COBL: variants seen among roughly 807,000 people sequenced by gnomAD.
COBL encodes protein cordon-bleu.
Under a neutral mutation model 98.8 loss-of-function variants are expected in COBL, and 51 were observed. That is an observed-to-expected ratio of 0.52 (90% CI 0.41 to 0.65). COBL has a LOEUF of 0.65. Ranked by LOEUF, COBL falls within the 30% of genes least tolerant of loss-of-function variation. COBL has a pLI of 0.00. For synonymous variants in COBL, 634 were observed against 651.7 expected (o/e 0.97, Z 0.41); for missense variants, 1,617 against 1,617.5 (o/e 1.00, Z 0.01).
chr7:51,086,787 A>G (rs575754769), intron 6 of COBL, among the ~76,000 whole-genome samples: 1 of 152,336 alleles, frequency 6.6e-6, no homozygotes, highest in South Asian at 2.1e-4. Flanking sequence ...ATGTTTTTCT[A>G]GACTATTTTT....
chr7:51,135,523 AC>A (rs887134721), intron 6 of COBL, among the ~76,000 whole-genome samples: 1 of 152,032 alleles, frequency 6.6e-6, no homozygotes, highest in Non-Finnish European at 1.5e-5. Flanking sequence ...ACATGTCAGG[AC>A]CCCGCCATTT....
In COBL at chr7:51,152,442, C is replaced by G. The variant is rs374843498; in HGVS notation, c.784-16111G>C. ...AAGCCTCATGAAACCCCCAAGCTGC[C>G]GACTCCCACATTTACATTTACAGGG... On this transcript the variant is annotated intron_variant, in intron 5 of 12. Coordinates refer to ENST00000265136, the MANE Select transcript of COBL (RefSeq NM_015198.5). 2.9e-4 allele frequency among the ~76,000 whole-genome samples: 44 copies of G among 152,156 alleles called. No individual in the cohort carries two copies. In the East Asian group the frequency reaches 6.8e-3, roughly 23 times the overall value.
intron 12 of COBL, among the ~76,000 whole-genome samples, chr7:51,018,901 AAAAAATATATATAT>A (rs1786583172): frequency 1.7e-5 from 1 of 58,128 alleles, no homozygotes; most frequent in African/African-American, 7.9e-5. Context: ...CAAAAAAAAA[AAAAAATATATATAT>A]ATATATATAT....
chr7:51,136,617 T>C (rs1799264184), intron 5 of COBL, among the ~76,000 whole-genome samples: 1 of 152,206 alleles, frequency 6.6e-6, no homozygotes. Flanking sequence ...TAGAATCATT[T>C]AAACTTCTTG....
chr7:51,184,198 T>C lies in COBL; in HGVS notation c.687A>G (p.Glu229=). 2.0e-6 allele frequency: 3 copies of C among 1,526,006 alleles called. No individual in the cohort carries two copies. The highest frequency in any genetic ancestry group is 2.6e-6 in the Non-Finnish European group (3 of 1,134,386). 94.5% of individuals were successfully genotyped at this position (1,526,006 alleles called of 1,614,324 possible). A position where few individuals can be genotyped will look rare whatever the true frequency, so the allele number is the denominator to read the frequency against. Residue 229 remains glutamate, a splice_region_variant and synonymous_variant, in exon 5 of 13, where the codon GAA becomes GAG. Transcript: ENST00000265136. The part of the protein sequence containing the change: ...KELYAWDNRR[E]TFRKSSLGND... ...TGCCAAGTGATGATTTCCTAAAGGTTTCTGGAAAAAAAAAGCACTAAGTTA... is the reference window on the plus strand; with the variant it reads ...TGCCAAGTGATGATTTCCTAAAGGTCTCTGGAAAAAAAAAGCACTAAGTTA...
chr7:51,073,395 GA>G, intron 7 of COBL: 2 of 676,018 alleles, frequency 3.0e-6, no homozygotes, highest in South Asian at 1.6e-5. Context: ...ACTGCGGGGG[GA>G]AAATAAATGG....
intron 2 of COBL, among the ~76,000 whole-genome samples, chr7:51,194,265 T>C (rs928386686): frequency 1.3e-5 from 2 of 152,194 alleles, no homozygotes; most frequent in East Asian, 1.9e-4. Flanking sequence ...GCTCCATCCA[T>C]GTTTTTACAA....
chr7:51,291,914 A>G (rs896761291), intron 1 of COBL, among the ~76,000 whole-genome samples: 5 of 152,218 alleles, frequency 3.3e-5, no homozygotes, highest in African/African-American at 1.2e-4. Flanking sequence ...TAATCCCAGC[A>G]TTGCTGGGAG....
intron 1 of COBL, among the ~76,000 whole-genome samples, chr7:51,315,259 CA>C (rs71021769): frequency 1.5e-3 from 210 of 137,440 alleles, no homozygotes; most frequent in Middle Eastern, 7.5e-3. Flanking sequence ...AAGTGCACTG[CA>C]AAAAAAAAAA....
At chr7:51,056,110 A>G (rs973183221) in intron 7 of COBL, among the ~76,000 whole-genome samples, 2 of 152,184 alleles carry the variant, frequency 1.3e-5, no homozygotes, top group African/African-American at 4.8e-5. Context: ...CTATAATAGA[A>G]TAGTTTCAGA....
At chr7:51,084,536 G>A (rs1163473387) in intron 7 of COBL, among the ~76,000 whole-genome samples, 1 of 152,102 alleles carries the variant, frequency 6.6e-6, no homozygotes. Flanking sequence ...CCTGGACAGC[G>A]CCATCATTCA....
intron 7 of COBL, chr7:51,065,120 T>G: frequency 1.4e-6 from 1 of 694,324 alleles, no homozygotes; most frequent in Non-Finnish European, 2.6e-6. Context: ...ACACAGAGGA[T>G]AGAAAAAAAC....
chr7:51,054,555 C>T (rs1790545564), intron 7 of COBL, among the ~76,000 whole-genome samples: 1 of 152,086 alleles, frequency 6.6e-6, no homozygotes, highest in Admixed American at 6.5e-5. Context: ...GATGTTTTTT[C>T]TCCATGGCAT....
chr7:51,191,162 G>T, intron 3 of COBL, 84 bp from the exon 4 acceptor site: 1 of 1,229,182 alleles, frequency 8.1e-7, no homozygotes, highest in Non-Finnish European at 1.2e-6. Flanking sequence ...ACAATTGGGT[G>T]TGGCAGGATT....
At chr7:51,207,357 C>T (rs985340216) in intron 2 of COBL, among the ~76,000 whole-genome samples, 3 of 151,870 alleles carry the variant, frequency 2.0e-5, no homozygotes, top group African/African-American at 7.3e-5. Flanking sequence ...AATTGGAAGA[C>T]TCTAAAATAA....
intron 7 of COBL, chr7:51,065,457 G>A (rs768775604): frequency 1.4e-6 from 1 of 693,332 alleles, no homozygotes. Context: ...AAACTGTAGG[G>A]GCAAGGAGGA....
chr7:51,100,407 C>T (rs1170343687), intron 6 of COBL, among the ~76,000 whole-genome samples: 1 of 152,194 alleles, frequency 6.6e-6, no homozygotes, highest in East Asian at 1.9e-4. Context: ...AGCATTCACA[C>T]AATCTACCAG....
At chr7:51,309,783 A>C (rs1451483857) in intron 1 of COBL, among the ~76,000 whole-genome samples, 2 of 152,226 alleles carry the variant, frequency 1.3e-5, no homozygotes, top group Non-Finnish European at 2.9e-5. Flanking sequence ...ACAAAAGCTT[A>C]CAAAGTAATA....
intron 6 of COBL, among the ~76,000 whole-genome samples, chr7:51,119,981 G>A (rs1797606331): frequency 6.6e-6 from 1 of 152,134 alleles, no homozygotes; most frequent in Non-Finnish European, 1.5e-5. Flanking sequence ...TAAACCAGTA[G>A]ATCTCATTAA....
Sources: gnomAD v4.1 joint callset for allele counts (sites outside exome capture counted in the v4.1 genomes callset) on GRCh38, gnomAD v4.1.1 for gene constraint, MANE v1.5 for transcripts, NCBI Gene and HGNC (gene_info 2026-07-23, HGNC 2026-07-21) for gene names.